Variants in AFG2B observed in about 807,000 individuals in gnomAD.
AFG2B encodes ATPase family gene 2 protein homolog B.
the AFG2B span, chr15:45,414,562 T>A: frequency 6.2e-7 from 1 of 1,612,486 alleles, no homozygotes; most frequent in Non-Finnish European, 8.5e-7. Flanking sequence ...TCTTTTTGTG[T>A]ACTTTCAGAG....
chr15:45,403,792 G>A, the AFG2B span, among the ~76,000 whole-genome samples: 1 of 152,204 alleles, frequency 6.6e-6, no homozygotes, highest in African/African-American at 2.4e-5. Flanking sequence ...GAAGCGAGGT[G>A]TCCATTACAG....
At chr15:45,407,112 G>A in the AFG2B span, 1 of 1,289,052 alleles carries the variant, frequency 7.8e-7, no homozygotes. Context: ...TGCTACTTCA[G>A]GAGGGGCCTG....
At chr15:45,408,817 C>T in the AFG2B span, among the ~76,000 whole-genome samples, 5 of 152,088 alleles carry the variant, frequency 3.3e-5, no homozygotes, top group African/African-American at 9.7e-5. Context: ...CCCAGGTGTT[C>T]GAGGCTCAAT....
chr15:45,402,936 G>T, the AFG2B span: 65 of 1,597,848 alleles, frequency 4.1e-5, no homozygotes, highest in Non-Finnish European at 5.0e-5. Flanking sequence ...TCGGCGGGAC[G>T]CCCAGTCCCG....
the AFG2B span, among the ~76,000 whole-genome samples, chr15:45,414,072 G>A: frequency 6.6e-6 from 1 of 152,152 alleles, no homozygotes; most frequent in Non-Finnish European, 1.5e-5. Context: ...AATAATAATA[G>A]TGAATACTTG....
the AFG2B span, among the ~76,000 whole-genome samples, chr15:45,411,342 G>A: frequency 5.9e-5 from 9 of 152,180 alleles, no homozygotes; most frequent in East Asian, 1.5e-3. Context: ...TTTGACACAT[G>A]TTTGCTCTGT....
chr15:45,418,442 A>G, the AFG2B span: 8 of 990,994 alleles, frequency 8.1e-6, no homozygotes, highest in East Asian at 5.4e-5. Flanking sequence ...TCTAACCCCT[A>G]TATATATTTT....
At chr15:45,410,408 C>G in the AFG2B span, 1 of 1,613,684 alleles carries the variant, frequency 6.2e-7, no homozygotes, top group African/African-American at 1.3e-5. Flanking sequence ...AATAGACTTC[C>G]TTGAAGCTTT....
At chr15:45,415,612 C>G in the AFG2B span, 1 of 1,613,866 alleles carries the variant, frequency 6.2e-7, no homozygotes, top group Non-Finnish European at 8.5e-7. Flanking sequence ...AGAGCAAGCA[C>G]TCCAGCAATT....
the AFG2B span, chr15:45,405,628 C>T: frequency 5.5e-6 from 5 of 904,810 alleles, no homozygotes; most frequent in South Asian, 1.8e-5. Flanking sequence ...ACAGCTGTTG[C>T]TTATACATTT....
the AFG2B span, chr15:45,410,386 T>G: frequency 6.2e-7 from 1 of 1,613,614 alleles, no homozygotes; most frequent in Non-Finnish European, 8.5e-7. Context: ...AGGACAATCC[T>G]GTGATTGATG....
the AFG2B span, chr15:45,402,589 G>C: frequency 1.3e-5 from 20 of 1,570,308 alleles, no homozygotes; most frequent in Admixed American, 5.6e-5. Flanking sequence ...GCTACCCGAC[G>C]GCGGCTCCTG....
chr15:45,412,838 G>C, the AFG2B span, among the ~76,000 whole-genome samples: 5 of 152,248 alleles, frequency 3.3e-5, no homozygotes, highest in African/African-American at 1.2e-4. Flanking sequence ...CAACTCTTCA[G>C]ATCCTCTCAC....
the AFG2B span, among the ~76,000 whole-genome samples, chr15:45,419,277 A>T: frequency 6.6e-6 from 1 of 152,046 alleles, no homozygotes; most frequent in Non-Finnish European, 1.5e-5. Context: ...GTGAGACCCC[A>T]TCTCTAGAAA....
the AFG2B span, among the ~76,000 whole-genome samples, chr15:45,411,259 C>T: frequency 2.0e-4 from 30 of 152,228 alleles, no homozygotes; most frequent in African/African-American, 6.0e-4. Flanking sequence ...ACAGGAGGAT[C>T]TCTTGAGGCC....
chr15:45,408,212 T>G, the AFG2B span, among the ~76,000 whole-genome samples: 1 of 152,220 alleles, frequency 6.6e-6, no homozygotes, highest in Admixed American at 6.5e-5. Context: ...ATTATTGTCT[T>G]TATTTTGAAA....
the AFG2B span, among the ~76,000 whole-genome samples, chr15:45,420,015 CAAAA>C: frequency 3.8e-3 from 286 of 75,484 alleles, 2 homozygotes; most frequent in African/African-American, 0.014. Context: ...AAAAAAAAAA[CAAAA>C]AACAAAACAA....
chr15:45,403,110 C>G, the AFG2B span: 4 of 1,514,112 alleles, frequency 2.6e-6, no homozygotes, highest in Non-Finnish European at 3.5e-6. Flanking sequence ...GCGCCCTGAC[C>G]GCGCTGGGCT....
chr15:45,412,429 G>A, the AFG2B span, among the ~76,000 whole-genome samples: 2 of 151,890 alleles, frequency 1.3e-5, no homozygotes, highest in Admixed American at 6.6e-5. Context: ...TCTAAAACGG[G>A]GGTCAACAGA....
Sources: gnomAD v4.1 joint callset for allele counts (sites outside exome capture counted in the v4.1 genomes callset) on GRCh38, gnomAD v4.1.1 for gene constraint, MANE v1.5 for transcripts, NCBI Gene and HGNC (gene_info 2026-07-23, HGNC 2026-07-21) for gene names.